GRM7: variants seen among roughly 807,000 people sequenced by gnomAD.
The protein encoded by GRM7 is glutamate metabotropic receptor 7, also known as metabotropic glutamate receptor 7.
A neutral mutation model predicts 84.5 loss-of-function variants in GRM7; 35 were observed. That is an observed-to-expected ratio of 0.41 (90% CI 0.32 to 0.55). GRM7 has a LOEUF of 0.55. Among genes scored for constraint, GRM7 ranks in the 20% least tolerant of loss-of-function variants. The probability of loss-of-function intolerance (pLI) is 0.19; values close to 1 mark genes in which losing one functional copy is unlikely to be tolerated. For missense variants in GRM7, 1,003 were observed against 1,194.6 expected, an observed-to-expected ratio of 0.84 and a Z score of 2.36; for synonymous variants, 487 against 455.1, an observed-to-expected ratio of 1.07 and a Z score of -0.89.
intron 4 of GRM7, 142 bp from the exon 5 acceptor site, chr3:7,414,881 T>A: frequency 1.7e-6 from 1 of 585,814 alleles, no homozygotes; most frequent in Non-Finnish European, 2.9e-6. Context: ...TTCCTCCTTC[T>A]GTTAATTTTT....
At chr3:7,402,569 A>G (rs73115565) in intron 4 of GRM7, among the ~76,000 whole-genome samples, 2,387 of 152,276 alleles carry the variant, frequency 0.016, 69 homozygotes, top group African/African-American at 0.055. Context: ...ACATGGAGAA[A>G]TAACATACAT....
Position 7,436,728 on chromosome 3 carries a change from C to T in GRM7, c.1175-15879C>T, listed in dbSNP as rs559621068. On this transcript the variant is annotated intron_variant, in intron 5 of 9. Coordinates refer to ENST00000357716, the MANE Select transcript of GRM7 (RefSeq NM_000844.4). Reference sequence around the variant, plus strand: ...TACTTATATATCTCTCCAACTCTTGCCATTTCACACTTCTGCTTTTTTCAG... The same window carrying T: ...TACTTATATATCTCTCCAACTCTTGTCATTTCACACTTCTGCTTTTTTCAG... Among the ~76,000 whole-genome samples, 64 of 152,294 alleles carry T rather than the reference C, an allele frequency of 4.2e-4. 1 individual carries two copies. The South Asian group carries it at 0.012, about 29-fold the overall frequency.
chr3:7,447,947 T>A (rs1697593864), intron 5 of GRM7, among the ~76,000 whole-genome samples: 1 of 129,978 alleles, frequency 7.7e-6, no homozygotes, highest in Admixed American at 9.1e-5. Context: ...CCCCTTCCTG[T>A]GTCCATGTGT....
chr3:7,466,735 T>C (rs1248859929), intron 7 of GRM7, among the ~76,000 whole-genome samples: 1 of 152,222 alleles, frequency 6.6e-6, no homozygotes, highest in Non-Finnish European at 1.5e-5. Context: ...TGAATATTAT[T>C]TCCTCTTTTC....
At chr3:7,539,905 C>A (rs925739358) in intron 7 of GRM7, among the ~76,000 whole-genome samples, 1 of 152,082 alleles carries the variant, frequency 6.6e-6, no homozygotes. Context: ...TAAAGAAATA[C>A]TCTCTGTATG....
intron 2 of GRM7, among the ~76,000 whole-genome samples, chr3:7,185,011 G>C (rs1695467161): frequency 6.6e-6 from 1 of 152,118 alleles, no homozygotes. Flanking sequence ...TATCTTAAAA[G>C]TGATATAAGT....
intron 1 of GRM7, among the ~76,000 whole-genome samples, chr3:7,013,033 C>T (rs778447369): frequency 1.3e-5 from 2 of 151,948 alleles, no homozygotes; most frequent in Non-Finnish European, 2.9e-5. Flanking sequence ...AGCAATGGCA[C>T]CTGACCTTCC....
rs977423469 is a variant in GRM7 at position 7,160,412 on chromosome 3, A to G, written c.736+13744A>G. Among the ~76,000 whole-genome samples the G allele has an allele frequency of 2.2e-4, 34 of 152,280 alleles. 3 individuals carry two copies. Among genetic ancestry groups the G allele is most frequent in the Admixed American group, 1.3e-3 (20 of 15,284 alleles). ...TTGTGAGGTCTTAACTAGATACCCCAGTTTCGTCCTTGTTTTGGCTCCTTT... is the reference window on the plus strand; with the variant it reads ...TTGTGAGGTCTTAACTAGATACCCCGGTTTCGTCCTTGTTTTGGCTCCTTT... On this transcript the variant is annotated intron_variant, in intron 2 of 9. Transcript: ENST00000357716.
chr3:7,412,577 A>C (rs1695987510), intron 4 of GRM7, among the ~76,000 whole-genome samples: 1 of 152,184 alleles, frequency 6.6e-6, no homozygotes. Context: ...AACCCAGTTA[A>C]AAGAGGAAAG....
At chr3:6,987,263 G>A (rs758328739) in intron 1 of GRM7, among the ~76,000 whole-genome samples, 2 of 152,162 alleles carry the variant, frequency 1.3e-5, no homozygotes, top group Non-Finnish European at 2.9e-5. Flanking sequence ...ACAATGAAGT[G>A]TTGCAAGAAT....
chr3:7,463,874 T>C (rs900142325), intron 7 of GRM7, among the ~76,000 whole-genome samples: 3 of 152,216 alleles, frequency 2.0e-5, no homozygotes, highest in Non-Finnish European at 4.4e-5. Flanking sequence ...TAAGAAGTAC[T>C]AAGCAAGGAA....
chr3:7,522,702 A>G (rs1043757222), intron 7 of GRM7, among the ~76,000 whole-genome samples: 2 of 152,184 alleles, frequency 1.3e-5, no homozygotes, highest in African/African-American at 4.8e-5. Context: ...ACATGTCAAG[A>G]TCACAGGCTG....
chr3:7,082,002 A>G (rs76001034), intron 1 of GRM7, among the ~76,000 whole-genome samples: 1,933 of 152,258 alleles, frequency 0.013, 37 homozygotes, highest in African/African-American at 0.043. Flanking sequence ...GCCATCACAT[A>G]AAAATGCAAG....
rs1421939516 is a variant in GRM7, at chr3:7,208,503, C to T, written c.736+61835C>T. ...TTATTTTAAAAAATCTATATTGAGC[C>T]CCTTCTGTGTATCAGGTTCTGTGCT... is the stretch of plus-strand genomic sequence containing the variant. On this transcript the variant is annotated intron_variant, in intron 2 of 9. Transcript: ENST00000357716. 2.6e-5 allele frequency among the ~76,000 whole-genome samples: 4 copies of T among 152,082 alleles called. No homozygotes were observed. In the East Asian group the frequency reaches 5.8e-4, roughly 22 times the overall value.
Position 7,740,476 on chromosome 3 carries a change from A to G in GRM7, c.*70A>G. On this transcript the variant is annotated 3_prime_UTR_variant, in exon 10 of 10. Transcript: ENST00000357716. Reference sequence around the variant, plus strand: ...ATTTTGTCACCCAACCTGGCATAGGACTCTTTGGTCCTACCCGCTTCCCAT... The same window carrying G: ...ATTTTGTCACCCAACCTGGCATAGGGCTCTTTGGTCCTACCCGCTTCCCAT... 1 of 894,812 alleles carries G rather than the reference A, an allele frequency of 1.1e-6. No homozygotes were observed. Among genetic ancestry groups the G allele is most frequent in the Admixed American group, 2.5e-5 (1 of 39,760 alleles). 55.4% of individuals were successfully genotyped at this position (894,812 alleles called of 1,614,324 possible). A position where few individuals can be genotyped will look rare whatever the true frequency, so the allele number is the denominator to read the frequency against.
At chr3:7,180,719 T>G (rs1182969358) in intron 2 of GRM7, among the ~76,000 whole-genome samples, 2 of 152,318 alleles carry the variant, frequency 1.3e-5, no homozygotes, top group Admixed American at 6.5e-5. Context: ...CTTAAGTCCC[T>G]AAATCTTGTC....
intron 1 of GRM7, among the ~76,000 whole-genome samples, chr3:6,922,413 C>T (rs1007171618): frequency 7.2e-5 from 11 of 152,206 alleles, no homozygotes; most frequent in Admixed American, 5.2e-4. Context: ...GCCTAGCATT[C>T]TCCAACTGTA....
At position 6,861,954 on chromosome 3, in the gene GRM7, G is replaced by T. The variant is rs1385507958; in HGVS notation, c.519+47G>T. The stretch of plus-strand genomic sequence containing the variant: ...GGCGGAGCACACAGTGGCTACCTGC[G>T]CCCTTAACCCTAAAAGCTGGCTTGG... On this transcript the variant is annotated intron_variant, in intron 1 of 9. Coordinates refer to ENST00000357716, the MANE Select transcript of GRM7 (RefSeq NM_000844.4). This position sits in a 1 kb window ranked among gnomAD's most constrained non-coding sequence, Gnocchi z 6.4. 1.3e-6 allele frequency: 2 copies of T among 1,510,448 alleles called. No homozygotes were observed. The highest frequency in any genetic ancestry group is 1.4e-5 in the African/African-American group (1 of 72,550). The allele number at this position is 1,510,448 out of a possible 1,614,324, so 93.6% of individuals were successfully genotyped here.
At position 7,493,206 on chromosome 3, in the gene GRM7, T is replaced by C. The variant is rs569713827; in HGVS notation, c.1515+31484T>C. ...TCTTTTTGGTTGACTATATTGTTCATGTTGTTTATATTCTTGCTGAGTTGT... is the reference window on the plus strand; with the variant it reads ...TCTTTTTGGTTGACTATATTGTTCACGTTGTTTATATTCTTGCTGAGTTGT... On this transcript the variant is annotated intron_variant, in intron 7 of 9. Coordinates refer to ENST00000357716, the MANE Select transcript of GRM7 (RefSeq NM_000844.4). Among the ~76,000 whole-genome samples the C allele has an allele frequency of 1.4e-4, 22 of 152,152 alleles. 2 individuals are homozygous for C. The highest frequency in any genetic ancestry group is 5.1e-4 in the African/African-American group (21 of 41,560).
Sources: allele counts gnomAD v4.1 joint callset (sites outside exome capture counted in the v4.1 genomes callset), GRCh38; gene constraint gnomAD v4.1.1; non-coding constraint Gnocchi (gnomAD v3.1); transcripts MANE v1.5; gene names NCBI Gene and HGNC (gene_info 2026-07-23, HGNC 2026-07-21).